ACSM3: variants seen among roughly 807,000 people sequenced by gnomAD.
The protein encoded by ACSM3 is acyl-coenzyme A synthetase ACSM3, mitochondrial.
ACSM3 carries 61 observed loss-of-function variants against 74.1 expected under a neutral mutation model. The observed-to-expected ratio is 0.82, with a 90% CI of 0.67 to 1.02. The LOEUF is 1.02. Among genes scored for constraint, ACSM3 ranks in the 50% least tolerant of loss-of-function variants. The pLI is 0.00. For missense variants in ACSM3, 660 were observed against 697.0 expected, an observed-to-expected ratio of 0.95 and a Z score of 0.60; for synonymous variants, 213 against 241.5, an observed-to-expected ratio of 0.88 and a Z score of 1.09.
At chr16:20,710,218 G>C (rs1430809017) in intron 1 of ACSM3, among the ~76,000 whole-genome samples, 1 of 152,126 alleles carries the variant, frequency 6.6e-6, no homozygotes, top group Non-Finnish European at 1.5e-5. Flanking sequence ...AATCCATAGA[G>C]TGGAGGGCTG....
intron 1 of ACSM3, among the ~76,000 whole-genome samples, chr16:20,722,660 T>C (rs1172925985): frequency 1.3e-5 from 2 of 152,204 alleles, no homozygotes; most frequent in Non-Finnish European, 1.5e-5. Context: ...ATCAATACTA[T>C]ACATGAATAC....
intron 1 of ACSM3, chr16:20,731,788 C>G (rs1043736269): frequency 7.0e-6 from 2 of 286,894 alleles, no homozygotes; most frequent in African/African-American, 2.2e-5. Context: ...AAACTAAGAC[C>G]TAAGCTAAAA....
intron 1 of ACSM3, among the ~76,000 whole-genome samples, chr16:20,710,048 C>T (rs1226129155): frequency 6.6e-6 from 1 of 152,214 alleles, no homozygotes; most frequent in Non-Finnish European, 1.5e-5. Flanking sequence ...TTAGAAAGTA[C>T]AAACTACCTT....
Position 20,721,287 on chromosome 16 carries a change from G to A in ACSM3, c.-189-28623G>A, listed in dbSNP as rs576815524. On this transcript the variant is annotated intron_variant, in intron 1 of 3. Coordinates refer to the ACSM3 transcript ENST00000561584. Reference sequence around the variant, plus strand: ...TATGAATAGTATAGCTTTAAAAAAGGCATGTGTGCAGATGTGAATAAATGC... The same window carrying A: ...TATGAATAGTATAGCTTTAAAAAAGACATGTGTGCAGATGTGAATAAATGC... The A allele has an allele frequency of 2.0e-5, 3 of 152,402 alleles. No individual in the cohort carries two copies. The East Asian group carries it at 5.8e-4, about 29-fold the overall frequency. 9.4% of individuals were successfully genotyped at this position (152,402 alleles called of 1,614,324 possible).
chr16:20,779,378 T>C (rs552502458), intron 4 of ACSM3, among the ~76,000 whole-genome samples: 1 of 148,436 alleles, frequency 6.7e-6, no homozygotes, highest in East Asian at 2.0e-4. Flanking sequence ...GAGCCATGAC[T>C]GAGCCACTGC....
intron 1 of ACSM3, chr16:20,733,756 C>T (rs1202861068): frequency 1.3e-5 from 2 of 151,936 alleles, no homozygotes; most frequent in African/African-American, 4.8e-5. Context: ...AAGCAAAATA[C>T]AAGTAAAAAT....
intron 1 of ACSM3, chr16:20,711,413 C>A: frequency 1.5e-6 from 1 of 681,810 alleles, no homozygotes; most frequent in Non-Finnish European, 2.3e-6. Flanking sequence ...AAGCCCAAAT[C>A]TTCCACCGTC....
intron 1 of ACSM3, among the ~76,000 whole-genome samples, chr16:20,726,529 C>T (rs1033728602): frequency 1.1e-4 from 16 of 152,320 alleles, no homozygotes; most frequent in Admixed American, 7.8e-4. Context: ...GACTATTCAA[C>T]GATTATTCTG....
At chr16:20,723,370 A>G (rs2079792893) in intron 1 of ACSM3, among the ~76,000 whole-genome samples, 1 of 152,238 alleles carries the variant, frequency 6.6e-6, no homozygotes, top group South Asian at 2.1e-4. Context: ...TTATAGCAGC[A>G]TGATTTATAA....
At chr16:20,683,881 C>T (rs2079499602) in intron 1 of ACSM3, among the ~76,000 whole-genome samples, 1 of 152,048 alleles carries the variant, frequency 6.6e-6, no homozygotes, top group Admixed American at 6.6e-5. Flanking sequence ...CTTAGATTTC[C>T]CATGGACCAT....
At chr16:20,686,657 C>T (rs1335752768) in intron 1 of ACSM3, among the ~76,000 whole-genome samples, 1 of 151,842 alleles carries the variant, frequency 6.6e-6, no homozygotes, top group Non-Finnish European at 1.5e-5. Context: ...TAAATAAAAG[C>T]TAAATATAGA....
chr16:20,730,764 A>T (rs1251510093), intron 1 of ACSM3, among the ~76,000 whole-genome samples: 1 of 151,918 alleles, frequency 6.6e-6, no homozygotes, highest in Non-Finnish European at 1.5e-5. Context: ...TCTAATTGGT[A>T]GGTTTTAAAC....
intron 4 of ACSM3, among the ~76,000 whole-genome samples, chr16:20,779,043 G>A (rs144034118): frequency 0.013 from 1,921 of 152,240 alleles, 17 homozygotes; most frequent in Middle Eastern, 0.078. Context: ...GAGCCACTGC[G>A]CCCGGCCTAT....
intron 1 of ACSM3, among the ~76,000 whole-genome samples, chr16:20,684,690 T>A (rs1241886505): frequency 6.6e-6 from 1 of 152,212 alleles, no homozygotes; most frequent in Non-Finnish European, 1.5e-5. Flanking sequence ...GTTTACCTGG[T>A]GTTCATAGGT....
chr16:20,682,313 T>C lies in ACSM3; in HGVS notation c.-190+7491T>C, dbSNP rs770109863. The stretch of plus-strand genomic sequence containing the variant: ...ACGGCTGTGATCAGACACCAGGAGC[T>C]TGGTTTTCAGAGAGGGGCACTGAGA... On this transcript the variant is annotated intron_variant, in intron 1 of 3. Coordinates refer to the ACSM3 transcript ENST00000561584. 3.1e-6 allele frequency: 5 copies of C among 1,613,878 alleles called. 1 individual carries two copies. The South Asian group carries it at 3.3e-5, about 11-fold the overall frequency.
intron 1 of ACSM3, among the ~76,000 whole-genome samples, chr16:20,717,996 G>C: frequency 1.3e-5 from 2 of 149,424 alleles, no homozygotes; most frequent in Non-Finnish European, 1.5e-5. Flanking sequence ...AGAAGAAGAA[G>C]AAGAAGAAGA....
At chr16:20,788,489 C>T (rs2080523216) in intron 9 of ACSM3, among the ~76,000 whole-genome samples, 1 of 152,144 alleles carries the variant, frequency 6.6e-6, no homozygotes, top group African/African-American at 2.4e-5. Flanking sequence ...ACTTTTTCTG[C>T]ATCCCCAGTC....
At chr16:20,687,348 A>G (rs1018602244) in intron 1 of ACSM3, among the ~76,000 whole-genome samples, 2 of 152,192 alleles carry the variant, frequency 1.3e-5, no homozygotes, top group Admixed American at 1.3e-4. Flanking sequence ...TTAAGAAATT[A>G]AAACAGCCAT....
At chr16:20,717,390 A>C (rs1034639207) in intron 1 of ACSM3, among the ~76,000 whole-genome samples, 7 of 152,256 alleles carry the variant, frequency 4.6e-5, no homozygotes, top group African/African-American at 1.4e-4. Flanking sequence ...TGATTGCCTG[A>C]TACCTGAACA....
Sources: allele counts gnomAD v4.1 joint callset (sites outside exome capture counted in the v4.1 genomes callset), GRCh38; gene constraint gnomAD v4.1.1; transcripts MANE v1.5; gene names NCBI Gene and HGNC (gene_info 2026-07-23, HGNC 2026-07-21).